CSMD1: variants seen among roughly 807,000 people sequenced by gnomAD.
CSMD1 encodes the protein CUB and Sushi multiple domains 1.
A neutral mutation model predicts 417.5 loss-of-function variants in CSMD1; 213 were observed. The observed-to-expected ratio is 0.51, with a 90% CI of 0.46 to 0.57. The LOEUF is 0.57. Ranked by LOEUF, CSMD1 falls within the 20% of genes least tolerant of loss-of-function variation. The pLI is 0.00. For missense variants in CSMD1, 6,923 were observed against 4,529.7 expected (o/e 1.53, Z -15.17); for synonymous variants, 2,862 against 1,736.8 (o/e 1.65, Z -16.11).
chr8:3,056,255 T>C (rs923148194), intron 49 of CSMD1, among the ~76,000 whole-genome samples: 2 of 152,248 alleles, frequency 1.3e-5, no homozygotes, highest in African/African-American at 4.8e-5. Flanking sequence ...AGACGTCCAG[T>C]GTTGTCTGAA....
chr8:4,518,076 G>A (rs184572098), intron 2 of CSMD1, among the ~76,000 whole-genome samples: 14 of 152,290 alleles, frequency 9.2e-5, no homozygotes, highest in East Asian at 1.9e-4. Flanking sequence ...ATTTTCAAAT[G>A]TCTAATATCA....
chr8:4,926,794 C>T (rs1430005574), intron 1 of CSMD1, among the ~76,000 whole-genome samples: 1 of 151,992 alleles, frequency 6.6e-6, no homozygotes. Flanking sequence ...TATTGGGATG[C>T]CTACTGCTAT....
At chr8:3,777,348 G>C (rs1434000644) in intron 5 of CSMD1, among the ~76,000 whole-genome samples, 1 of 152,088 alleles carries the variant, frequency 6.6e-6, no homozygotes, top group Admixed American at 6.6e-5. Flanking sequence ...GCTCCAGACA[G>C]CAGTGCCTCC....
chr8:4,420,755 T>C (rs1797205546), intron 2 of CSMD1, among the ~76,000 whole-genome samples: 1 of 152,128 alleles, frequency 6.6e-6, no homozygotes, highest in African/African-American at 2.4e-5. Context: ...AAACCAATGC[T>C]GACACAGCTC....
At chr8:4,330,630 T>G (rs531166816) in intron 3 of CSMD1, among the ~76,000 whole-genome samples, 4 of 151,924 alleles carry the variant, frequency 2.6e-5, no homozygotes, top group African/African-American at 7.2e-5. Flanking sequence ...ATAAATCTAA[T>G]CATATTTTAT....
intron 5 of CSMD1, among the ~76,000 whole-genome samples, chr8:3,790,422 C>G (rs938504263): frequency 2.0e-5 from 3 of 151,870 alleles, no homozygotes; most frequent in Non-Finnish European, 4.4e-5. Flanking sequence ...ATGGTGATAA[C>G]AGTATTATAA....
chr8:3,264,120 G>A (rs1394962534), intron 26 of CSMD1, among the ~76,000 whole-genome samples: 2 of 152,082 alleles, frequency 1.3e-5, no homozygotes, highest in African/African-American at 4.8e-5. Context: ...TCAATAATAT[G>A]ATTAAACTGA....
chr8:3,171,850 T>C (rs1237987480), intron 37 of CSMD1, among the ~76,000 whole-genome samples: 1 of 152,228 alleles, frequency 6.6e-6, no homozygotes, highest in Non-Finnish European at 1.5e-5. Flanking sequence ...AGGATATAAG[T>C]GTGCTCAGAT....
In CSMD1 at chr8:3,347,508, T is replaced by G. The variant is rs565685476; in HGVS notation, c.3474+484A>C. Among the ~76,000 whole-genome samples the G allele has an allele frequency of 1.1e-3, 163 of 152,312 alleles. 1 individual carries two copies. The highest frequency in any genetic ancestry group is 3.7e-3 in the African/African-American group (155 of 41,562). The stretch of plus-strand genomic sequence containing the variant: ...GGCTGGATTTACCTCCATTATCACT[T>G]CAGAACCTTTCCAGCTTTCCACAGT... On this transcript the variant is annotated intron_variant, in intron 22 of 69. Transcript: ENST00000635120.
intron 5 of CSMD1, among the ~76,000 whole-genome samples, chr8:3,956,029 A>C (rs1264917063): frequency 2.0e-5 from 3 of 152,194 alleles, no homozygotes; most frequent in Non-Finnish European, 4.4e-5. Context: ...TCCTGACCTC[A>C]GGTGATCTAC....
intron 26 of CSMD1, among the ~76,000 whole-genome samples, chr8:3,240,580 C>T (rs978041571): frequency 2.0e-5 from 3 of 151,826 alleles, no homozygotes; most frequent in African/African-American, 4.8e-5. Context: ...GTCTGTGAAG[C>T]TTTGCGGCAG....
At chr8:4,895,002 G>A (rs927527694) in intron 1 of CSMD1, among the ~76,000 whole-genome samples, 7 of 152,144 alleles carry the variant, frequency 4.6e-5, no homozygotes, top group African/African-American at 1.4e-4. Flanking sequence ...CCTTCGGCAA[G>A]TAACTTCACT....
chr8:3,556,304 T>C (rs1042468776), intron 10 of CSMD1, among the ~76,000 whole-genome samples: 2 of 150,390 alleles, frequency 1.3e-5, no homozygotes, highest in African/African-American at 4.9e-5. Flanking sequence ...CTTCCCAGCC[T>C]CTGATAAACA....
intron 5 of CSMD1, among the ~76,000 whole-genome samples, chr8:3,769,634 T>G (rs758672627): frequency 6.6e-6 from 1 of 152,170 alleles, no homozygotes; most frequent in African/African-American, 2.4e-5. Context: ...AAATCCACTT[T>G]TTTCCATTAA....
At chr8:4,974,162 A>T (rs13257598) in intron 1 of CSMD1, among the ~76,000 whole-genome samples, 38,374 of 150,006 alleles carry the variant, frequency 0.26, 6,146 homozygotes, top group Non-Finnish European at 0.37. Context: ...GATTACAGGC[A>T]CATGCCACCA....
rs185226656 is a variant in CSMD1 at position 4,939,432 on chromosome 8, G to A, written c.85+54900C>T. On this transcript the variant is annotated intron_variant, in intron 1 of 69. Transcript: ENST00000635120. ...TCAACAGGTGAATCGATAAAGAAAC[G>A]TAATCTATATACCTAATGGAGTACT... 2.5e-3 allele frequency among the ~76,000 whole-genome samples: 388 copies of A among 152,258 alleles called. 1 individual carries two copies. The highest frequency in any genetic ancestry group is 8.8e-3 in the African/African-American group (364 of 41,534).
At chr8:4,702,100 G>C (rs1226750308) in intron 1 of CSMD1, among the ~76,000 whole-genome samples, 1 of 152,136 alleles carries the variant, frequency 6.6e-6, no homozygotes, top group Non-Finnish European at 1.5e-5. Flanking sequence ...ACATACTGGA[G>C]CCTGTCAGGG....
intron 3 of CSMD1, among the ~76,000 whole-genome samples, chr8:4,226,855 C>T (rs897108391): frequency 6.6e-6 from 1 of 152,172 alleles, no homozygotes; most frequent in Non-Finnish European, 1.5e-5. Flanking sequence ...TAGTCTCCCC[C>T]TGTCTTTAGT....
At chr8:4,703,760 G>A (rs1363249513) in intron 1 of CSMD1, among the ~76,000 whole-genome samples, 1 of 152,112 alleles carries the variant, frequency 6.6e-6, no homozygotes, top group African/African-American at 2.4e-5. Context: ...CCAGAGTACA[G>A]ATACAGAAAA....
Sources: gnomAD v4.1 joint callset for allele counts (sites outside exome capture counted in the v4.1 genomes callset) on GRCh38, gnomAD v4.1.1 for gene constraint, MANE v1.5 for transcripts, NCBI Gene and HGNC (gene_info 2026-07-23, HGNC 2026-07-21) for gene names.